Variants in WARS1 observed in about 807,000 individuals in gnomAD.
The protein encoded by WARS1 is tryptophan--tRNA ligase, cytoplasmic.
WARS1 carries 17 observed loss-of-function variants against 47.8 expected under a neutral mutation model. The observed-to-expected ratio is 0.36, with a 90% CI of 0.24 to 0.53. WARS1 has a LOEUF of 0.53. WARS1 is among the 20% of genes least tolerant of loss of function. The probability of loss-of-function intolerance (pLI) is 0.91; values close to 1 mark genes in which losing one functional copy is unlikely to be tolerated. For missense variants in WARS1, 434 were observed against 608.0 expected (o/e 0.71, Z 3.01); for synonymous variants, 208 against 228.1 (o/e 0.91, Z 0.79).
chr14:100,366,647 G>A (rs1306993477), intron 2 of WARS1: 4 of 767,228 alleles, frequency 5.2e-6, no homozygotes, highest in African/African-American at 1.7e-5. Context: ...ACATGGACAT[G>A]AGCATGGACA....
chr14:100,337,046 GGGGTT>G lies in WARS1; in HGVS notation c.1254+11_1254+15del, dbSNP rs756486890. 6.2e-7 allele frequency: 1 copy of G among 1,608,530 alleles called. No homozygotes were observed. Among genetic ancestry groups the G allele is most frequent in the Admixed American group, 1.7e-5 (1 of 59,950 alleles). ...TGGCAGAAGGCGGCTGTGGGCCCTT[GGGGTT>G]CCCTGCTCACCTTCCTGATCTGCTC... On this transcript the variant is annotated intron_variant, in intron 10 of 10. Transcript: ENST00000392882.
At chr14:100,368,339 C>T in intron 2 of WARS1, 3 of 432,344 alleles carry the variant, frequency 6.9e-6, no homozygotes, top group Non-Finnish European at 1.4e-5. Flanking sequence ...CGTCTATTTC[C>T]ATGGTCATAA....
At chr14:100,349,519 A>T (rs1287180989) in intron 6 of WARS1, among the ~76,000 whole-genome samples, 1 of 152,202 alleles carries the variant, frequency 6.6e-6, no homozygotes, top group Non-Finnish European at 1.5e-5. Flanking sequence ...TGCCCAGGCC[A>T]CACAGCGGAC....
In WARS1 at chr14:100,344,898, C is replaced by G. The variant is rs569681643; in HGVS notation, c.827-1511G>C. The stretch of plus-strand genomic sequence containing the variant: ...CCCCTCCACCCGGCAGCCACCCCGT[C>G]TGGGAAGTGAGGAGCGTCTCCGCCC... On this transcript the variant is annotated intron_variant, in intron 7 of 10. Coordinates refer to ENST00000392882, the MANE Select transcript of WARS1 (RefSeq NM_004184.4). Among the ~76,000 whole-genome samples, 498 of 151,676 alleles carry G rather than the reference C, an allele frequency of 3.3e-3. 5 individuals are homozygous for G. The highest frequency in any genetic ancestry group is 0.011 in the African/African-American group (469 of 41,328).
rs1893535685 is a variant in WARS1, at chr14:100,333,899, TC to T, written c.*975del. On this transcript the variant is annotated 3_prime_UTR_variant, in exon 11 of 11. Coordinates refer to ENST00000392882, the MANE Select transcript of WARS1 (RefSeq NM_004184.4). ...CTTCCCTGAGATTTGGCTTTGCTCTTCCAGGCCTGCACATGCTGCGTGATGA... is the reference window on the plus strand; with the variant it reads ...CTTCCCTGAGATTTGGCTTTGCTCTTCAGGCCTGCACATGCTGCGTGATGA... 2 of 152,846 alleles carry T rather than the reference TC, an allele frequency of 1.3e-5. No individual in the cohort carries two copies. Among genetic ancestry groups the T allele is most frequent in the African/African-American group, 4.8e-5 (2 of 41,574 alleles). 9.5% of individuals were successfully genotyped at this position (152,846 alleles called of 1,614,324 possible). A position where few individuals can be genotyped will look rare whatever the true frequency, so the allele number is the denominator to read the frequency against.
chr14:100,349,721 C>T (rs1345113231), intron 6 of WARS1, among the ~76,000 whole-genome samples: 2 of 152,208 alleles, frequency 1.3e-5, no homozygotes, highest in East Asian at 3.9e-4. Context: ...TCCCTCAGGG[C>T]CCTGGGCAGG....
At chr14:100,362,888 GAT>G (rs1264412401) in intron 2 of WARS1, among the ~76,000 whole-genome samples, 9 of 152,168 alleles carry the variant, frequency 5.9e-5, no homozygotes, top group African/African-American at 2.2e-4. Flanking sequence ...TATTCCATCA[GAT>G]ATAGCACTTG....
intron 4 of WARS1, among the ~76,000 whole-genome samples, chr14:100,356,399 G>T (rs928103898): frequency 1.4e-5 from 1 of 69,880 alleles, no homozygotes; most frequent in African/African-American, 5.8e-5. Flanking sequence ...GTGTGTGTGT[G>T]GGGGGGGGTG....
intron 4 of WARS1, among the ~76,000 whole-genome samples, chr14:100,358,022 C>G (rs1047546386): frequency 4.6e-5 from 7 of 152,212 alleles, no homozygotes; most frequent in African/African-American, 1.7e-4. Flanking sequence ...CAATCCCTAT[C>G]AAAATCCTAG....
intron 6 of WARS1, among the ~76,000 whole-genome samples, chr14:100,349,703 C>T (rs1894847543): frequency 6.6e-6 from 1 of 152,232 alleles, no homozygotes; most frequent in Non-Finnish European, 1.5e-5. Context: ...CAGCTCAGTG[C>T]CTTTGCATCC....
rs147078735 is a variant in WARS1 at position 100,366,175 on chromosome 14, G to A, written c.99+2912C>T. On this transcript the variant is annotated intron_variant, in intron 2 of 10. Transcript: ENST00000392882. ...CAGCACACAGAGAATAGGGAGCTTC[G>A]GGGAAGGATCCCACAGCCCAGCCCT... 4.8e-4 allele frequency: 216 copies of A among 449,672 alleles called. 1 individual carries two copies. Among genetic ancestry groups the A allele is most frequent in the African/African-American group, 3.9e-3 (195 of 50,026 alleles). The allele number at this position is 449,672 out of a possible 1,614,324, so 27.9% of individuals were successfully genotyped here.
intron 4 of WARS1, among the ~76,000 whole-genome samples, chr14:100,358,859 G>T (rs1895489388): frequency 6.6e-6 from 1 of 152,174 alleles, no homozygotes. Flanking sequence ...AGTAGGCAAA[G>T]GATCTGAATA....
At chr14:100,343,418 G>C (rs1047218167) in intron 7 of WARS1, 31 bp from the exon 8 acceptor site, 4 of 1,541,618 alleles carry the variant, frequency 2.6e-6, no homozygotes, top group Non-Finnish European at 2.7e-6. Flanking sequence ...TTTTACACGT[G>C]AGATGAGTTC....
In WARS1 at chr14:100,368,538, G is replaced by A. The variant is rs192857934; in HGVS notation, c.99+549C>T. 961 of 454,162 alleles carry A rather than the reference G, an allele frequency of 2.1e-3. 19 individuals carry two copies. The Admixed American group carries it at 0.022, about 10-fold the overall frequency. 28.1% of individuals were successfully genotyped at this position (454,162 alleles called of 1,614,324 possible). On this transcript the variant is annotated intron_variant, in intron 2 of 10. Coordinates refer to ENST00000392882, the MANE Select transcript of WARS1 (RefSeq NM_004184.4). ...ATGGGGAGTACATAACCAAAAGATC[G>A]GCTAAAAGAATTGAGCAGGAAATAG...
intron 6 of WARS1, 148 bp from the exon 7 acceptor site, chr14:100,346,994 G>C: frequency 1.5e-6 from 1 of 674,554 alleles, no homozygotes; most frequent in East Asian, 2.8e-5. Flanking sequence ...CTGGGAAGGT[G>C]CCAGGAAGTC....
chr14:100,348,785 A>G (rs928445997), intron 6 of WARS1, among the ~76,000 whole-genome samples: 4 of 152,184 alleles, frequency 2.6e-5, no homozygotes, highest in African/African-American at 7.2e-5. Context: ...CAGTACCCCC[A>G]AACTGTGGCA....
At chr14:100,338,632 C>T (rs1423187178) in intron 9 of WARS1, among the ~76,000 whole-genome samples, 4 of 146,024 alleles carry the variant, frequency 2.7e-5, no homozygotes, top group Non-Finnish European at 6.0e-5. Context: ...CAGGGTTTCA[C>T]CATGTTGGCC....
intron 2 of WARS1, among the ~76,000 whole-genome samples, chr14:100,365,306 G>A (rs1014177436): frequency 5.3e-5 from 8 of 152,008 alleles, no homozygotes; most frequent in East Asian, 1.9e-4. Context: ...CGGGCCGGGC[G>A]TGGTGGCTCA....
chr14:100,350,669 C>T lies in WARS1; in HGVS notation c.725+3018G>A, dbSNP rs573986860. 2.9e-4 allele frequency among the ~76,000 whole-genome samples: 44 copies of T among 152,268 alleles called. No homozygotes were observed. The South Asian group carries it at 7.7e-3, about 27-fold the overall frequency. On this transcript the variant is annotated intron_variant, in intron 6 of 10. Coordinates refer to ENST00000392882, the MANE Select transcript of WARS1 (RefSeq NM_004184.4). Reference sequence around the variant, plus strand: ...CACCACCAGCATTTATATCCATCAACGAAGCGGCTCAGCTTTGCTTCTGCT... The same window carrying T: ...CACCACCAGCATTTATATCCATCAATGAAGCGGCTCAGCTTTGCTTCTGCT...
Sources: gnomAD v4.1 joint callset for allele counts (sites outside exome capture counted in the v4.1 genomes callset) on GRCh38, gnomAD v4.1.1 for gene constraint, MANE v1.5 for transcripts, NCBI Gene and HGNC (gene_info 2026-07-23, HGNC 2026-07-21) for gene names.